CMSS1: variants seen among roughly 807,000 people sequenced by gnomAD.
CMSS1 encodes cms1 ribosomal small subunit homolog, also known as protein CMSS1.
Under a neutral mutation model 43.5 loss-of-function variants are expected in CMSS1, and 33 were observed. The ratio of observed to expected loss-of-function variants is 0.76; its 90% confidence interval spans 0.57 to 1.01. The LOEUF (loss-of-function observed/expected upper bound fraction) is 1.01, where lower values mean the gene tolerates loss of function less well. CMSS1 is among the 50% of genes least tolerant of loss of function. The pLI, the probability that CMSS1 is intolerant of heterozygous loss-of-function variation, is 0.00. For synonymous variants in CMSS1, 115 were observed against 117.2 expected, an observed-to-expected ratio of 0.98 and a Z score of 0.12; for missense variants, 313 against 326.4, an observed-to-expected ratio of 0.96 and a Z score of 0.32.
chr3:99,904,704 T>G (rs1706554462), intron 1 of CMSS1, among the ~76,000 whole-genome samples: 1 of 152,174 alleles, frequency 6.6e-6, no homozygotes, highest in Non-Finnish European at 1.5e-5. Flanking sequence ...ATTATCACTG[T>G]AGCAACTACC....
At chr3:100,149,275 A>T (rs1325256894) in intron 2 of CMSS1, among the ~76,000 whole-genome samples, 1 of 152,184 alleles carries the variant, frequency 6.6e-6, no homozygotes, top group Non-Finnish European at 1.5e-5. Context: ...CTTTACAAAG[A>T]ACCAGAGGCT....
At chr3:99,877,314 T>A (rs957808310) in intron 1 of CMSS1, among the ~76,000 whole-genome samples, 2 of 152,216 alleles carry the variant, frequency 1.3e-5, no homozygotes, top group Admixed American at 1.3e-4. Context: ...TGTTTCCATA[T>A]GTTTTGTCAA....
chr3:100,120,372 A>G (rs1393838827), intron 1 of CMSS1, among the ~76,000 whole-genome samples: 2 of 152,224 alleles, frequency 1.3e-5, no homozygotes, highest in African/African-American at 4.8e-5. Context: ...AAGAGAGGGA[A>G]GGGATAATTC....
At chr3:100,037,184 A>C (rs981823723) in intron 1 of CMSS1, among the ~76,000 whole-genome samples, 2 of 151,090 alleles carry the variant, frequency 1.3e-5, no homozygotes, top group Non-Finnish European at 2.9e-5. Flanking sequence ...CCTGATTTTG[A>C]TCATTGTGGA....
At chr3:99,994,293 C>T (rs1303757130) in intron 1 of CMSS1, among the ~76,000 whole-genome samples, 1 of 152,106 alleles carries the variant, frequency 6.6e-6, no homozygotes, top group African/African-American at 2.4e-5. Flanking sequence ...TAGTAGGGGA[C>T]TTTATTGTCC....
chr3:99,895,445 G>C (rs1706219750), intron 1 of CMSS1, among the ~76,000 whole-genome samples: 1 of 150,358 alleles, frequency 6.7e-6, no homozygotes, highest in Non-Finnish European at 1.5e-5. Context: ...CTTATTCAAG[G>C]TACTGTATTT....
intron 1 of CMSS1, among the ~76,000 whole-genome samples, chr3:99,839,306 A>C (rs182675942): frequency 6.6e-6 from 1 of 152,290 alleles, no homozygotes; most frequent in Admixed American, 6.5e-5. Context: ...TAACATCTGC[A>C]TAGCTGCCTG....
chr3:99,988,341 C>CAAAAAAAAAAAAA (rs63321762), intron 1 of CMSS1, among the ~76,000 whole-genome samples: 2 of 62,304 alleles, frequency 3.2e-5, no homozygotes, highest in African/African-American at 5.1e-5. Context: ...ACTAAAAATC[C>CAAAAAAAAAAAAA]AAAAAAAAAA....
intron 1 of CMSS1, among the ~76,000 whole-genome samples, chr3:100,002,078 G>A (rs1048859399): frequency 6.6e-6 from 1 of 152,138 alleles, no homozygotes; most frequent in Non-Finnish European, 1.5e-5. Context: ...CTGGAAAAGC[G>A]CGGTGCCACT....
At chr3:99,890,288 T>C (rs868328975) in intron 1 of CMSS1, among the ~76,000 whole-genome samples, 7 of 152,144 alleles carry the variant, frequency 4.6e-5, no homozygotes, top group Admixed American at 3.3e-4. Flanking sequence ...ATCTTCCCTT[T>C]GTCTTTGATA....
intron 1 of CMSS1, among the ~76,000 whole-genome samples, chr3:100,072,643 A>C (rs1178375765): frequency 6.6e-6 from 1 of 152,228 alleles, no homozygotes; most frequent in Non-Finnish European, 1.5e-5. Flanking sequence ...TGCAACAATT[A>C]GGAAATCTTT....
chr3:99,970,524 G>A (rs1302828126), intron 1 of CMSS1, among the ~76,000 whole-genome samples: 1 of 152,198 alleles, frequency 6.6e-6, no homozygotes, highest in Non-Finnish European at 1.5e-5. Context: ...CCTAATTGCA[G>A]AACACTTTCT....
rs115650179 is a variant in CMSS1, at chr3:100,146,677, T to A, written c.65-296T>A. Among the ~76,000 whole-genome samples, 623 of 152,356 alleles carry A rather than the reference T, an allele frequency of 4.1e-3. 7 individuals are homozygous for A. Among genetic ancestry groups the A allele is most frequent in the African/African-American group, 0.015 (611 of 41,576 alleles). ...ACAGCCTTTTGTCATTGTAAACTCT[T>A]AATAAATACCACTTTTTAAAGGCTG... On this transcript the variant is annotated intron_variant, in intron 1 of 9. Coordinates refer to ENST00000421999, the MANE Select transcript of CMSS1 (RefSeq NM_032359.4).
chr3:99,868,622 CA>C (rs1944636357), intron 1 of CMSS1, among the ~76,000 whole-genome samples: 2 of 152,190 alleles, frequency 1.3e-5, no homozygotes, highest in South Asian at 4.1e-4. Context: ...TTCTGAAGGC[CA>C]AATAATGGGT....
chr3:99,830,897 A>G (rs1033787239), intron 1 of CMSS1, among the ~76,000 whole-genome samples: 14 of 152,238 alleles, frequency 9.2e-5, no homozygotes, highest in African/African-American at 3.4e-4. Context: ...TAGTGTCCCA[A>G]ATTAATCTCA....
intron 1 of CMSS1, among the ~76,000 whole-genome samples, chr3:99,835,536 TG>T: frequency 6.6e-6 from 1 of 152,354 alleles, no homozygotes; most frequent in East Asian, 1.9e-4. Flanking sequence ...AATAGGACCA[TG>T]GTTCTTAAAT....
At chr3:100,029,729 A>AC (rs2064989954) in intron 1 of CMSS1, among the ~76,000 whole-genome samples, 2 of 152,196 alleles carry the variant, frequency 1.3e-5, no homozygotes, top group African/African-American at 4.8e-5. Context: ...TAAAATAAAA[A>AC]CCAGCAACTT....
intron 1 of CMSS1, among the ~76,000 whole-genome samples, chr3:99,996,204 A>G (rs774038654): frequency 6.6e-6 from 1 of 152,084 alleles, no homozygotes; most frequent in Non-Finnish European, 1.5e-5. Flanking sequence ...ACCCTAAATC[A>G]TCTCTCTCAA....
At chr3:100,071,116 G>T (rs1489216452) in intron 1 of CMSS1, among the ~76,000 whole-genome samples, 14 of 70,030 alleles carry the variant, frequency 2.0e-4, no homozygotes, top group East Asian at 8.1e-4. Context: ...TTTTTTGGAT[G>T]GATTAGCATT....
Sources: gnomAD v4.1 joint callset for allele counts (sites outside exome capture counted in the v4.1 genomes callset) on GRCh38, gnomAD v4.1.1 for gene constraint, MANE v1.5 for transcripts, NCBI Gene and HGNC (gene_info 2026-07-23, HGNC 2026-07-21) for gene names.